Variants in DNAH14 observed in about 807,000 individuals in gnomAD.
DNAH14 encodes dynein axonemal heavy chain 14.
Under a neutral mutation model 520.9 loss-of-function variants are expected in DNAH14, and 478 were observed. The ratio of observed to expected loss-of-function variants is 0.92; its 90% confidence interval spans 0.85 to 0.99. The LOEUF is 0.99. DNAH14 is among the 50% of genes least tolerant of loss of function. The probability of loss-of-function intolerance (pLI) is 0.00; values close to 1 mark genes in which losing one functional copy is unlikely to be tolerated. For synonymous variants in DNAH14, 1,581 were observed against 1,757.2 expected (o/e 0.90, Z 2.51); for missense variants, 4,831 against 5,234.5 (o/e 0.92, Z 2.38).
chr1:225,037,449 C>T (rs944556009), intron 11 of DNAH14, among the ~76,000 whole-genome samples: 1 of 152,070 alleles, frequency 6.6e-6, no homozygotes, highest in Non-Finnish European at 1.5e-5. Context: ...ATTATTTTAA[C>T]CTCAGGACAA....
Position 225,210,090 on chromosome 1 carries a change from G to A in DNAH14, c.6439+2870G>A, listed in dbSNP as rs977897672. 6.6e-5 allele frequency among the ~76,000 whole-genome samples: 10 copies of A among 151,876 alleles called. No homozygotes were observed. In the East Asian group the frequency reaches 1.4e-3, roughly 21 times the overall value. The stretch of plus-strand genomic sequence containing the variant: ...CTGGGTGGCTATTACGGCAGACACC[G>A]AGCTAGCTGCAGGAGTTTTTCTTCG... On this transcript the variant is annotated intron_variant, in intron 41 of 85. Coordinates refer to ENST00000682510, the MANE Select transcript of DNAH14 (RefSeq NM_001367479.1).
chr1:225,014,418 GTTT>G (rs34738305), intron 10 of DNAH14, among the ~76,000 whole-genome samples: 1 of 148,674 alleles, frequency 6.7e-6, no homozygotes. Context: ...TTCCTCACTA[GTTT>G]TTTTTTTTTA....
chr1:224,984,231 T>G (rs1430138164), intron 8 of DNAH14, among the ~76,000 whole-genome samples: 1 of 152,034 alleles, frequency 6.6e-6, no homozygotes, highest in African/African-American at 2.4e-5. Context: ...AACCCAGAAA[T>G]AAACCTGAAT....
At chr1:225,322,230 C>T (rs1326495534) in intron 61 of DNAH14, among the ~76,000 whole-genome samples, 2 of 151,272 alleles carry the variant, frequency 1.3e-5, no homozygotes, top group African/African-American at 4.9e-5. Context: ...GCTGGGACTA[C>T]AGGCACCCGC....
At chr1:225,300,170 G>A (rs1208108487) in intron 55 of DNAH14, among the ~76,000 whole-genome samples, 1 of 152,070 alleles carries the variant, frequency 6.6e-6, no homozygotes, top group Admixed American at 6.6e-5. Context: ...CTTCAGCAAT[G>A]TTATTTCTAG....
chr1:224,998,270 C>T (rs941112090), intron 8 of DNAH14, among the ~76,000 whole-genome samples: 3 of 152,076 alleles, frequency 2.0e-5, no homozygotes, highest in South Asian at 2.1e-4. Context: ...TTTCTTTTCT[C>T]CATTTCATTG....
At chr1:225,296,303 TC>T (rs1470987109) in intron 55 of DNAH14, among the ~76,000 whole-genome samples, 1 of 152,156 alleles carries the variant, frequency 6.6e-6, no homozygotes, top group Admixed American at 6.6e-5. Flanking sequence ...CAAGAGATCC[TC>T]CTGCCTTGGC....
intron 39 of DNAH14, among the ~76,000 whole-genome samples, chr1:225,205,044 C>A (rs1166220046): frequency 6.6e-6 from 1 of 152,080 alleles, no homozygotes; most frequent in Non-Finnish European, 1.5e-5. Context: ...ATTTTAATAT[C>A]TTTTCAGTGG....
At chr1:225,382,772 G>GT (rs1361026657) in intron 81 of DNAH14, among the ~76,000 whole-genome samples, 1 of 151,744 alleles carries the variant, frequency 6.6e-6, no homozygotes, top group African/African-American at 2.4e-5. Context: ...AGCATTATTT[G>GT]TAATACCCAA....
At position 225,088,216 on chromosome 1, in the gene DNAH14, C is replaced by A. The variant is rs118108397; in HGVS notation, c.3573+2427C>A. ...AATAGAACTCATGATGAAAACTTAA[C>A]CAATGGAAATTGAATCTGAACTGAC... On this transcript the variant is annotated intron_variant, in intron 21 of 85. Transcript: ENST00000682510. 4.0e-4 allele frequency among the ~76,000 whole-genome samples: 61 copies of A among 152,076 alleles called. No individual in the cohort carries two copies. In the East Asian group the frequency reaches 0.011, roughly 26 times the overall value.
chr1:225,095,809 T>A (rs2074912132), intron 21 of DNAH14, among the ~76,000 whole-genome samples: 1 of 152,144 alleles, frequency 6.6e-6, no homozygotes, highest in African/African-American at 2.4e-5. Flanking sequence ...AGAAAGTAGA[T>A]CAGTGGTTGC....
intron 11 of DNAH14, among the ~76,000 whole-genome samples, chr1:225,028,016 A>G (rs2066255885): frequency 6.6e-6 from 1 of 152,088 alleles, no homozygotes; most frequent in Non-Finnish European, 1.5e-5. Context: ...TCCTTTGTAT[A>G]TGCTGCTGGA....
At chr1:225,105,119 A>G (rs2075907938) in intron 23 of DNAH14, among the ~76,000 whole-genome samples, 1 of 152,136 alleles carries the variant, frequency 6.6e-6, no homozygotes. Flanking sequence ...GAACATCTTT[A>G]TTTCTACCTT....
chr1:225,201,049 A>G (rs2086758260), intron 38 of DNAH14, among the ~76,000 whole-genome samples: 2 of 151,176 alleles, frequency 1.3e-5, no homozygotes, highest in East Asian at 3.9e-4. Context: ...CTTTGTTTAT[A>G]TTTTCTTCTT....
At chr1:225,037,939 C>T (rs965758547) in intron 11 of DNAH14, among the ~76,000 whole-genome samples, 2 of 152,120 alleles carry the variant, frequency 1.3e-5, no homozygotes, top group African/African-American at 2.4e-5. Flanking sequence ...CTGCCCGCCT[C>T]GGCCTCCCAA....
chr1:225,008,842 G>C (rs759907708), intron 10 of DNAH14, among the ~76,000 whole-genome samples: 2 of 151,612 alleles, frequency 1.3e-5, no homozygotes, highest in Non-Finnish European at 2.9e-5. Context: ...TCATATGTTT[G>C]TTGGCCACAT....
At chr1:225,144,273 T>C in intron 28 of DNAH14, 124 bp from the exon 29 acceptor site, 1 of 749,054 alleles carries the variant, frequency 1.3e-6, no homozygotes, top group Non-Finnish European at 2.1e-6. Flanking sequence ...TGATTTTAAT[T>C]TTTTAACTTC....
At chr1:225,395,155 TGA>T (rs1314435611) in intron 84 of DNAH14, among the ~76,000 whole-genome samples, 23 of 152,318 alleles carry the variant, frequency 1.5e-4, no homozygotes, top group Admixed American at 1.3e-3. Flanking sequence ...CTAAATGTGA[TGA>T]GAGAGCTTTT....
At chr1:225,137,059 T>C (rs2148995604) in intron 27 of DNAH14, among the ~76,000 whole-genome samples, 1 of 152,348 alleles carries the variant, frequency 6.6e-6, no homozygotes, top group East Asian at 1.9e-4. Flanking sequence ...CATTGTGTTG[T>C]TATGATTCTT....
Sources: gnomAD v4.1 joint callset for allele counts (sites outside exome capture counted in the v4.1 genomes callset) on GRCh38, gnomAD v4.1.1 for gene constraint, MANE v1.5 for transcripts, NCBI Gene and HGNC (gene_info 2026-07-23, HGNC 2026-07-21) for gene names.